Variants in ZDHHC11 observed in about 807,000 individuals in gnomAD.
The protein encoded by ZDHHC11 is zDHHC palmitoyltransferase 11.
A neutral mutation model predicts 51.3 loss-of-function variants in ZDHHC11; 44 were observed. The observed-to-expected ratio is 0.86, with a 90% confidence interval of 0.67 to 1.10. ZDHHC11 has a LOEUF of 1.10. ZDHHC11 is among the 50% of genes least tolerant of loss of function. The pLI, the probability that ZDHHC11 is intolerant of heterozygous loss-of-function variation, is 0.00. For synonymous variants in ZDHHC11, 163 were observed against 222.0 expected, an observed-to-expected ratio of 0.73 and a Z score of 2.36; for missense variants, 400 against 537.7, an observed-to-expected ratio of 0.74 and a Z score of 2.53.
intron 11 of ZDHHC11, among the ~76,000 whole-genome samples, chr5:809,020 C>CACATGCA (rs1390690453): frequency 7.0e-6 from 1 of 142,404 alleles, no homozygotes; most frequent in African/African-American, 2.5e-5. Context: ...CACACGCACA[C>CACATGCA]TATTTATTCC....
intron 1 of ZDHHC11, among the ~76,000 whole-genome samples, chr5:856,203 ACAC>A (rs1748214169): frequency 6.6e-6 from 1 of 151,576 alleles, no homozygotes; most frequent in Non-Finnish European, 1.5e-5. Context: ...ACCACACACC[ACAC>A]AACACAGACC....
intron 5 of ZDHHC11, 63 bp downstream of exon 5, chr5:840,432 T>C (rs751909635): frequency 1.2e-6 from 2 of 1,610,640 alleles, no homozygotes; most frequent in Non-Finnish European, 1.7e-6. Context: ...AGTAGAGGTG[T>C]AAGATGAGCA....
rs530237750 is a variant in ZDHHC11, at chr5:850,551, T to C, written c.52A>G (p.Asn18Asp). 1 of 1,613,700 alleles carries C rather than the reference T, an allele frequency of 6.2e-7. No homozygotes were observed. Among genetic ancestry groups the C allele is most frequent in the East Asian group, 2.2e-5 (1 of 44,864 alleles). The change falls in exon 1 of 13, where the codon AAT becomes GAT. Residue 18 changes from asparagine to aspartate, a missense_variant. Asn to Asp is a conservative substitution (Grantham distance 23). Transcript: ENST00000283441. ...QCSVTPEAIL[N>D]NEKLVLPPRI... ...GGCGGCAAGACCAGCTTTTCATTAT[T>C]GAGTATGGCTTCTGGGGTGACGGAA... is the stretch of plus-strand genomic sequence containing the variant.
chr5:809,545 CAG>C (rs1739814284), intron 11 of ZDHHC11, among the ~76,000 whole-genome samples: 1 of 149,790 alleles, frequency 6.7e-6, no homozygotes, highest in Admixed American at 6.7e-5. Flanking sequence ...GGGCTCTCAT[CAG>C]ACACCGGATC....
chr5:819,275 G>A (rs1406950748), intron 10 of ZDHHC11, among the ~76,000 whole-genome samples: 23 of 151,688 alleles, frequency 1.5e-4, no homozygotes, highest in African/African-American at 5.6e-4. Context: ...GCCTGATGGT[G>A]GCACTGCAGT....
At chr5:849,957 C>G (rs971034300) in intron 1 of ZDHHC11, among the ~76,000 whole-genome samples, 2 of 152,226 alleles carry the variant, frequency 1.3e-5, no homozygotes, top group African/African-American at 2.4e-5. Flanking sequence ...CAGAGGCCCT[C>G]GCAGTGTGGC....
chr5:844,733 G>A (rs527538370), intron 3 of ZDHHC11, among the ~76,000 whole-genome samples: 51 of 152,304 alleles, frequency 3.3e-4, no homozygotes, highest in African/African-American at 8.2e-4. Context: ...GCCACACCTC[G>A]GCTGCAGTCC....
At chr5:841,482 C>T (rs1452802453) in intron 4 of ZDHHC11, 4 of 990,534 alleles carry the variant, frequency 4.0e-6, no homozygotes, top group African/African-American at 1.8e-5. Context: ...CACTAAGTGC[C>T]AGGGTCACAG....
chr5:806,372 C>T (rs532967037), intron 11 of ZDHHC11, among the ~76,000 whole-genome samples: 12 of 151,318 alleles, frequency 7.9e-5, no homozygotes, highest in African/African-American at 2.7e-4. Context: ...AGATCTCTAC[C>T]TCACACCATA....
chr5:830,117 A>C (rs1742882840), intron 7 of ZDHHC11, among the ~76,000 whole-genome samples: 1 of 134,466 alleles, frequency 7.4e-6, no homozygotes, highest in Non-Finnish European at 1.6e-5. Flanking sequence ...CTTTCGACAC[A>C]GTACTGGAAG....
chr5:853,835 G>A (rs1479308492), upstream of ZDHHC11, among the ~76,000 whole-genome samples: 2 of 145,984 alleles, frequency 1.4e-5, no homozygotes, highest in African/African-American at 2.6e-5. Context: ...CCAGCTGGGG[G>A]CACAGACCCC....
Position 850,388 on chromosome 5 carries a change from G to T in ZDHHC11, c.215C>A (p.Ala72Asp). 1.2e-6 allele frequency: 2 copies of T among 1,613,620 alleles called. No homozygotes were observed. Among genetic ancestry groups the T allele is most frequent in the Non-Finnish European group, 1.7e-6 (2 of 1,180,008 alleles). The change falls in exon 1 of 13, where the codon GCC becomes GAC. Residue 72 changes from alanine to aspartate, a missense_variant. This residue lies in a region of ZDHHC11 where 119 missense variants were observed against 99.6 expected (regional missense o/e 1.20). Coordinates refer to ENST00000283441, the MANE Select transcript of ZDHHC11 (RefSeq NM_024786.3). ...PFLPHAWKYI[A>D]YVVTGGIFSF... ...CCACGATGAAAAGGATACCACGTAG[G>T]CAATGTATTTCCACGCGTGAGGCAG...
At chr5:854,769 GC>G (rs1747898674), upstream of ZDHHC11, among the ~76,000 whole-genome samples, 1 of 144,850 alleles carries the variant, frequency 6.9e-6, no homozygotes, top group African/African-American at 2.6e-5. Flanking sequence ...GAGCCGGAGG[GC>G]ACAGACCCCA....
chr5:846,113 G>A (rs1482056092), intron 3 of ZDHHC11, among the ~76,000 whole-genome samples: 1 of 150,470 alleles, frequency 6.6e-6, no homozygotes, highest in Non-Finnish European at 1.5e-5. Context: ...GGAGGAGGCC[G>A]GTGGGTCTCC....
chr5:853,848 A>C (rs1429087743), upstream of ZDHHC11, among the ~76,000 whole-genome samples: 1 of 140,612 alleles, frequency 7.1e-6, no homozygotes, highest in Admixed American at 7.0e-5. Flanking sequence ...CAGACCCCAC[A>C]GAGGACAGTG....
rs1222687252 is a variant in ZDHHC11 at position 802,951 on chromosome 5, G to T, written c.1182-1787C>A. ...CAGGAGAATGGTGTGAACCTGGGAG[G>T]TGGAGCTTGCAGTGAGCAGAGATTG... On this transcript the variant is annotated intron_variant, in intron 11 of 12. Transcript: ENST00000283441. Among the ~76,000 whole-genome samples, 5 of 146,678 alleles carry T rather than the reference G, an allele frequency of 3.4e-5. No homozygotes were observed. The Admixed American group carries it at 3.4e-4, about 10-fold the overall frequency.
At chr5:855,930 G>A (rs112717043), upstream of ZDHHC11, among the ~76,000 whole-genome samples, 8,393 of 151,034 alleles carry the variant, frequency 0.056, 255 homozygotes, top group African/African-American at 0.083. Context: ...ACAGCGAGCC[G>A]GGGGGACAGA....
In ZDHHC11 at chr5:802,558, G is replaced by C. The variant is rs114046476; in HGVS notation, c.1182-1394C>G. 5.0e-3 allele frequency among the ~76,000 whole-genome samples: 751 copies of C among 150,692 alleles called. 8 individuals are homozygous for C. Among genetic ancestry groups the C allele is most frequent in the African/African-American group, 0.017 (715 of 41,078 alleles). On this transcript the variant is annotated intron_variant, in intron 11 of 12. Coordinates refer to ENST00000283441, the MANE Select transcript of ZDHHC11 (RefSeq NM_024786.3). ...GTTTACCTAAAGACAAAATGGTATT[G>C]TAGAAAGCTATAGAGGCTGGTCCTT...
Position 850,688 on chromosome 5 carries a change from G to C in ZDHHC11, c.-86C>G. 2.6e-6 allele frequency: 4 copies of C among 1,515,662 alleles called. No homozygotes were observed. The highest frequency in any genetic ancestry group is 3.6e-6 in the Non-Finnish European group (4 of 1,113,962). The allele number at this position is 1,515,662 out of a possible 1,614,324, so 93.9% of individuals were successfully genotyped here. Reference sequence around the variant, plus strand: ...ACTGTCACAGAGACCAAGGGGACTGGGAATGCAGCCGCCAGGACCAGCACT... The same window carrying C: ...ACTGTCACAGAGACCAAGGGGACTGCGAATGCAGCCGCCAGGACCAGCACT... On this transcript the variant is annotated 5_prime_UTR_variant, in exon 1 of 13. Transcript: ENST00000283441.
Sources: allele counts gnomAD v4.1 joint callset (sites outside exome capture counted in the v4.1 genomes callset), GRCh38; gene constraint gnomAD v4.1.1; regional missense constraint gnomAD v4.1.1; transcripts MANE v1.5; gene names NCBI Gene and HGNC (gene_info 2026-07-23, HGNC 2026-07-21).